The following FAM186A variants were observed in gnomAD, a reference collection of about 807,000 sequenced individuals.
The protein encoded by FAM186A is family with sequence similarity 186 member A.
FAM186A carries 163 observed loss-of-function variants against 216.8 expected under a neutral mutation model. The observed-to-expected ratio is 0.75, with a 90% CI of 0.66 to 0.86. The LOEUF is 0.86. FAM186A is among the 40% of genes least tolerant of loss of function. The probability of loss-of-function intolerance (pLI) is 0.00; values close to 1 mark genes in which losing one functional copy is unlikely to be tolerated. For synonymous variants in FAM186A, 805 were observed against 1,025.3 expected (o/e 0.79, Z 4.10); for missense variants, 2,184 against 2,746.2 (o/e 0.80, Z 4.58).
At chr12:50,391,822 C>T (rs1381477255) in intron 1 of FAM186A, among the ~76,000 whole-genome samples, 5 of 152,124 alleles carry the variant, frequency 3.3e-5, no homozygotes, top group Admixed American at 3.3e-4. Flanking sequence ...CTTAGCCATT[C>T]CAAGCTTAGG....
rs1460005389 is a variant in FAM186A, at chr12:50,352,634, T to C, written c.4198A>G (p.Thr1400Ala). Residue 1400 changes from threonine (T) to alanine (A), a missense_variant, in exon 4 of 8, where the codon ACC becomes GCC. Physicochemically the swap from Thr to Ala is moderately conservative, Grantham distance 58. Transcript: ENST00000327337. The stretch of plus-strand genomic sequence containing the variant: ...CCCAGTTCCTGAGCCTGCTGAGTGG[T>C]GAGAGGCATCCCCAAGGCCTGAGCC... The part of the protein sequence containing the change: ...QQAQALGMPL[T>A]TQQAQELGIP... 18 of 1,523,414 alleles carry C rather than the reference T, an allele frequency of 1.2e-5. No individual in the cohort carries two copies. The African/African-American group carries it at 1.9e-4, about 16-fold the overall frequency. 94.4% of individuals were successfully genotyped at this position (1,523,414 alleles called of 1,614,324 possible).
chr12:50,377,070 A>G (rs1443913215), intron 1 of FAM186A, among the ~76,000 whole-genome samples: 1 of 152,102 alleles, frequency 6.6e-6, no homozygotes, highest in Non-Finnish European at 1.5e-5. Context: ...AAAGATGCAC[A>G]ATTTAAAGGG....
chr12:50,331,864 GAC>G, intron 5 of FAM186A, 43 bp from the exon 6 acceptor site: 1 of 1,474,256 alleles, frequency 6.8e-7, no homozygotes, highest in Non-Finnish European at 9.0e-7. Flanking sequence ...CATGAAAAGA[GAC>G]AGAATCTTTA....
In FAM186A at chr12:50,351,177, G is replaced by GAGCT. The variant is rs770224257; in HGVS notation, c.5651_5654dup (p.Gln1886AlafsTer11). 1 of 1,551,436 alleles carries GAGCT rather than the reference G, an allele frequency of 6.4e-7. No homozygotes were observed. The highest frequency in any genetic ancestry group is 1.4e-5 in the African/African-American group (1 of 72,982). On this transcript the variant is annotated frameshift_variant, in exon 4 of 8. Coordinates refer to ENST00000327337, the MANE Select transcript of FAM186A (RefSeq NM_001145475.3). LOFTEE classifies it high-confidence loss of function. The stretch of plus-strand genomic sequence containing the variant: ...CAGTGGCAGGAGGCTGGAATTCCTG[G>GAGCT]AGCTGCTCAGAGAAGGTTAAGGGTC...
At chr12:50,375,270 G>A (rs756909918) in intron 1 of FAM186A, among the ~76,000 whole-genome samples, 11 of 151,738 alleles carry the variant, frequency 7.2e-5, no homozygotes, top group African/African-American at 1.9e-4. Flanking sequence ...AAATTTGGCC[G>A]AGTGTGGTGG....
chr12:50,361,495 G>A (rs1272243364), intron 2 of FAM186A, among the ~76,000 whole-genome samples: 2 of 150,770 alleles, frequency 1.3e-5, no homozygotes, highest in South Asian at 2.1e-4. Context: ...CACCACACCC[G>A]GCCTATGTGT....
rs753382221 is a variant in FAM186A, at chr12:50,327,338, A to C, written c.*45T>G. ...AGAACAAAATAGGCATTTTACTGAA[A>C]GATACTGAAATGTACTTTCAACATG... On this transcript the variant is annotated 3_prime_UTR_variant, in exon 8 of 8. Transcript: ENST00000327337. 2.3e-4 allele frequency: 343 copies of C among 1,485,890 alleles called. No individual in the cohort carries two copies. Among genetic ancestry groups the C allele is most frequent in the Non-Finnish European group, 2.9e-4 (316 of 1,088,192 alleles). 92.0% of individuals were successfully genotyped at this position (1,485,890 alleles called of 1,614,324 possible).
At chr12:50,343,874 C>T (rs930861154) in intron 4 of FAM186A, among the ~76,000 whole-genome samples, 21 of 151,792 alleles carry the variant, frequency 1.4e-4, no homozygotes, top group Non-Finnish European at 2.6e-4. Context: ...CTGCCTTGGC[C>T]TCCCAAAGTG....
chr12:50,341,031 A>G (rs1942758068), intron 4 of FAM186A, among the ~76,000 whole-genome samples: 1 of 152,140 alleles, frequency 6.6e-6, no homozygotes, highest in African/African-American at 2.4e-5. Flanking sequence ...TCCTGACCTC[A>G]GGTGATCTGC....
intron 1 of FAM186A, among the ~76,000 whole-genome samples, chr12:50,367,034 A>G (rs946778349): frequency 1.3e-5 from 2 of 152,030 alleles, no homozygotes; most frequent in African/African-American, 2.4e-5. Flanking sequence ...AAAAACATAT[A>G]CAAAAGAAAC....
intron 1 of FAM186A, among the ~76,000 whole-genome samples, chr12:50,393,073 C>T (rs1245267890): frequency 2.0e-5 from 3 of 150,700 alleles, no homozygotes; most frequent in Non-Finnish European, 4.4e-5. Flanking sequence ...ACTACAGGCG[C>T]CCGCCACCAC....
At chr12:50,391,930 C>T (rs1287975701) in intron 1 of FAM186A, among the ~76,000 whole-genome samples, 1 of 151,950 alleles carries the variant, frequency 6.6e-6, no homozygotes, top group Non-Finnish European at 1.5e-5. Flanking sequence ...CAGAAACAGC[C>T]CATGCCATGC....
At position 50,351,890 on chromosome 12, in the gene FAM186A, C is replaced by T. The variant is rs74090112; in HGVS notation, c.4942G>A (p.Gly1648Arg). 2,184 of 1,545,500 alleles carry T rather than the reference C, an allele frequency of 1.4e-3. 47 individuals are homozygous for T. In the African/African-American group the frequency reaches 0.027, roughly 19 times the overall value. ...GCATTTACTGGGGTGATGGGGACTC[C>T]CAGTGCCTGGGCCTGCTGAGGGGTG... is the stretch of plus-strand genomic sequence containing the variant. ...TLTPQQAQAL[G>R]VPITPVNAWV... Residue 1648 changes from glycine to arginine, a missense_variant, in exon 4 of 8, where the codon GGA becomes AGA. By Grantham distance (125) the Gly-to-Arg change is moderately radical (BLOSUM62 -2). Coordinates refer to ENST00000327337, the MANE Select transcript of FAM186A (RefSeq NM_001145475.3).
At chr12:50,381,045 G>A (rs978329496) in intron 1 of FAM186A, among the ~76,000 whole-genome samples, 3 of 152,212 alleles carry the variant, frequency 2.0e-5, no homozygotes, top group Non-Finnish European at 4.4e-5. Context: ...AGCTTCCACA[G>A]CTAGCACCAG....
Position 50,351,646 on chromosome 12 carries a change from A to G in FAM186A, c.5186T>C (p.Ile1729Thr), listed in dbSNP as rs571873706. 8 of 1,551,616 alleles carry G rather than the reference A, an allele frequency of 5.2e-6. No homozygotes were observed. In the East Asian group the frequency reaches 1.5e-4, roughly 28 times the overall value. The stretch of plus-strand genomic sequence containing the variant: ...CCTAAGACTTGGAGACAATCTTGAT[A>G]TGATGGATTGCCCAGTGGGGAGAGA... ...KASLPTGQSI[I>T]SRLSPSLRLS... The change falls in exon 4 of 8, where the codon ATA becomes ACA. Residue 1729 changes from isoleucine to threonine, a missense_variant. Ile to Thr is a moderately conservative substitution (Grantham distance 89). This residue lies in a region of FAM186A where 721 missense variants were observed against 816.4 expected (regional missense o/e 0.88). Coordinates refer to ENST00000327337, the MANE Select transcript of FAM186A (RefSeq NM_001145475.3).
rs1260976214 is a variant in FAM186A at position 50,360,758 on chromosome 12, AT to A, written c.580del (p.Ile194TyrfsTer16). ...CCAAAATCATAAAGCACCCTTACAT[AT>A]TTTTTTCTTTTGTTTCTTCTTTTCG... is the stretch of plus-strand genomic sequence containing the variant. ...LDEKKKQKKK[I>X]LSRGTLWKSW... On this transcript the variant is annotated frameshift_variant, in exon 3 of 8. Transcript: ENST00000327337. LOFTEE classifies it high-confidence loss of function. The A allele has an allele frequency of 6.5e-6, 10 of 1,531,148 alleles. No individual in the cohort carries two copies. Among genetic ancestry groups the A allele is most frequent in the East Asian group, 2.5e-5 (1 of 40,686 alleles). 94.8% of individuals were successfully genotyped at this position (1,531,148 alleles called of 1,614,324 possible).
At chr12:50,391,193 T>C (rs1420757553) in intron 1 of FAM186A, among the ~76,000 whole-genome samples, 1 of 151,870 alleles carries the variant, frequency 6.6e-6, no homozygotes, top group African/African-American at 2.4e-5. Context: ...GTCACCATGT[T>C]GGCCAGGCTG....
Position 50,350,641 on chromosome 12 carries a change from C to T in FAM186A, c.6191G>A (p.Trp2064Ter). 6.4e-7 allele frequency: 1 copy of T among 1,551,528 alleles called. No individual in the cohort carries two copies. Among genetic ancestry groups the T allele is most frequent in the Non-Finnish European group, 8.7e-7 (1 of 1,146,970 alleles). Residue 2064 changes from tryptophan to a stop codon, truncating the protein, a stop_gained, in exon 4 of 8, where the codon TGG (tryptophan) becomes TAG (stop). Coordinates refer to ENST00000327337, the MANE Select transcript of FAM186A (RefSeq NM_001145475.3). LOFTEE classifies it high-confidence loss of function. ...AGGAGGGAATCGGGATTTCTGGTAC[C>T]ATTCCAAAGGTGAAATCTGTGATGT... Reference protein sequence around the residue: ...LRTSQISPLEWYQKSRFPPID... With the variant: ...LRTSQISPLE
At chr12:50,381,497 T>C (rs546876149) in intron 1 of FAM186A, among the ~76,000 whole-genome samples, 1 of 152,036 alleles carries the variant, frequency 6.6e-6, no homozygotes, top group Non-Finnish European at 1.5e-5. Flanking sequence ...TGGGCCAAGG[T>C]TGCACCACTG....
Sources: gnomAD v4.1 joint callset for allele counts (sites outside exome capture counted in the v4.1 genomes callset) on GRCh38, gnomAD v4.1.1 for gene constraint, gnomAD v4.1.1 regional missense constraint, MANE v1.5 for transcripts, NCBI Gene and HGNC (gene_info 2026-07-23, HGNC 2026-07-21) for gene names.